Variants in COLEC10 observed in about 807,000 individuals in gnomAD.
COLEC10 encodes the protein collectin subfamily member 10, also known as collectin-10.
COLEC10 carries 22 observed loss-of-function variants against 28.4 expected under a neutral mutation model. That is an observed-to-expected ratio of 0.78 (90% CI 0.55 to 1.11). The LOEUF (loss-of-function observed/expected upper bound fraction) is 1.11, where lower values mean the gene tolerates loss of function less well. Ranked by LOEUF, COLEC10 falls within the 50% of genes least tolerant of loss-of-function variation. The pLI is 0.00. For missense variants in COLEC10, 361 were observed against 344.1 expected, an observed-to-expected ratio of 1.05 and a Z score of -0.39; for synonymous variants, 125 against 116.1, an observed-to-expected ratio of 1.08 and a Z score of -0.49.
At chr8:118,963,192 TA>T in the COLEC10 span, among the ~76,000 whole-genome samples, 1 of 152,160 alleles carries the variant, frequency 6.6e-6, no homozygotes, top group African/African-American at 2.4e-5. Flanking sequence ...ATAAAGGTAA[TA>T]ACAACTACCA....
chr8:119,067,582 C>A, intron 1 of COLEC10, 153 bp downstream of exon 1: 3 of 681,192 alleles, frequency 4.4e-6, no homozygotes, highest in Non-Finnish European at 7.2e-6. Flanking sequence ...TTTTCCAGAT[C>A]TGGTCTGTTA....
upstream of COLEC10, among the ~76,000 whole-genome samples, chr8:118,993,881 C>G (rs754598924): frequency 7.2e-5 from 11 of 152,084 alleles, no homozygotes; most frequent in Admixed American, 1.3e-4. Context: ...AGGAGAAGCA[C>G]TGGGGCCCTG....
intron 3 of COLEC10, 93 bp from the exon 4 acceptor site, chr8:119,102,255 C>A: frequency 6.6e-6 from 2 of 302,210 alleles, no homozygotes; most frequent in Non-Finnish European, 1.2e-5. Flanking sequence ...TCCTTCTTTT[C>A]CTTCCTTCAT....
chr8:118,984,913 A>T, the COLEC10 span, among the ~76,000 whole-genome samples: 1 of 152,168 alleles, frequency 6.6e-6, no homozygotes, highest in Non-Finnish European at 1.5e-5. Flanking sequence ...GAGCTTGTGC[A>T]GGGCAACTCC....
intron 2 of COLEC10, among the ~76,000 whole-genome samples, chr8:119,053,005 GA>G (rs1326227089): frequency 6.6e-6 from 1 of 152,102 alleles, no homozygotes; most frequent in Non-Finnish European, 1.5e-5. Flanking sequence ...AGTCCTGAGC[GA>G]AGACGGCAAA....
At chr8:118,997,195 C>T (rs1813603813) in intron 1 of COLEC10, among the ~76,000 whole-genome samples, 1 of 152,156 alleles carries the variant, frequency 6.6e-6, no homozygotes, top group Non-Finnish European at 1.5e-5. Context: ...TCCTTATATA[C>T]ATTTAATAAT....
At chr8:119,059,976 C>A (rs373149235) in intron 2 of COLEC10, among the ~76,000 whole-genome samples, 16 of 152,204 alleles carry the variant, frequency 1.1e-4, no homozygotes, top group African/African-American at 3.6e-4. Context: ...TTCACATAGT[C>A]ATGGCTGAAA....
At chr8:119,081,242 A>G (rs1815360902) in intron 1 of COLEC10, among the ~76,000 whole-genome samples, 1 of 152,180 alleles carries the variant, frequency 6.6e-6, no homozygotes, top group Admixed American at 6.5e-5. Flanking sequence ...CATTTACAGC[A>G]TCTTTGGATG....
rs148307490 is a variant in COLEC10, at chr8:119,095,648, G to A, written c.292+4428G>A. On this transcript the variant is annotated intron_variant, in intron 3 of 5. Coordinates refer to ENST00000332843, the MANE Select transcript of COLEC10 (RefSeq NM_006438.5). ...GCCTGGGAGGTAGAGGTTGCAGTGA[G>A]CTGAGATCCCAGCACTGCACTCCAA... Among the ~76,000 whole-genome samples the A allele has an allele frequency of 5.8e-4, 88 of 152,294 alleles. 1 individual carries two copies. The East Asian group carries it at 0.015, about 26-fold the overall frequency.
At chr8:118,977,749 TAATAAATA>T in the COLEC10 span, among the ~76,000 whole-genome samples, 237 of 148,550 alleles carry the variant, frequency 1.6e-3, 2 homozygotes, top group Non-Finnish European at 3.4e-4. Flanking sequence ...AGTATAATAA[TAATAAATA>T]AATAAATAAA....
chr8:119,026,572 T>A (rs1814194979), intron 2 of COLEC10, among the ~76,000 whole-genome samples: 1 of 152,110 alleles, frequency 6.6e-6, no homozygotes, highest in African/African-American at 2.4e-5. Flanking sequence ...ATACAATCAG[T>A]ACATCTGGAT....
intron 3 of COLEC10, among the ~76,000 whole-genome samples, chr8:119,098,730 C>G (rs545990797): frequency 2.6e-5 from 4 of 152,082 alleles, no homozygotes; most frequent in African/African-American, 9.6e-5. Flanking sequence ...CTATAAGTAC[C>G]ACTTTTCCTT....
intron 2 of COLEC10, among the ~76,000 whole-genome samples, chr8:119,048,419 A>T (rs955842862): frequency 3.9e-5 from 6 of 152,192 alleles, no homozygotes; most frequent in African/African-American, 1.4e-4. Context: ...ATGACTTGAT[A>T]ATCTAACATT....
chr8:119,030,290 T>C (rs1814264703), intron 2 of COLEC10, among the ~76,000 whole-genome samples: 1 of 152,248 alleles, frequency 6.6e-6, no homozygotes, highest in Non-Finnish European at 1.5e-5. Context: ...CAATATTTAA[T>C]AGTATATCAC....
At position 119,057,904 on chromosome 8, in the gene COLEC10, G is replaced by A. The variant is rs182966778; in HGVS notation, n.236-31776G>A. Among the ~76,000 whole-genome samples the A allele has an allele frequency of 5.7e-3, 865 of 151,862 alleles. 5 individuals are homozygous for A. The highest frequency in any genetic ancestry group is 0.02 in the African/African-American group (837 of 41,444). On this transcript the variant is annotated intron_variant and non_coding_transcript_variant, in intron 2 of 6. Transcript: ENST00000521788. ...TTCTTAATAAGTAAAAAAGGTGTAG[G>A]GTACTTGAGCTCTTTAATGCAATTA... is the stretch of plus-strand genomic sequence containing the variant.
At chr8:118,993,124 A>C (rs1212458817), upstream of COLEC10, among the ~76,000 whole-genome samples, 1 of 152,166 alleles carries the variant, frequency 6.6e-6, no homozygotes, top group Admixed American at 6.5e-5. Flanking sequence ...AATTGTTTAT[A>C]AGAGCTGGTT....
chr8:118,990,399 A>G, the COLEC10 span, among the ~76,000 whole-genome samples: 2 of 152,156 alleles, frequency 1.3e-5, no homozygotes, highest in Admixed American at 1.3e-4. Context: ...AGCTGATACA[A>G]TTTGGAAAGT....
intron 2 of COLEC10, among the ~76,000 whole-genome samples, chr8:119,035,737 G>T (rs7018457): frequency 0.043 from 6,607 of 152,180 alleles, 209 homozygotes; most frequent in East Asian, 0.16. Flanking sequence ...ATGGTTTTGG[G>T]CCTTCCAGTT....
chr8:118,962,060 G>C, the COLEC10 span, among the ~76,000 whole-genome samples: 1 of 152,126 alleles, frequency 6.6e-6, no homozygotes, highest in Non-Finnish European at 1.5e-5. Flanking sequence ...GGGCAGTGGT[G>C]GATGTAATTT....
Sources: allele counts gnomAD v4.1 joint callset (sites outside exome capture counted in the v4.1 genomes callset), GRCh38; gene constraint gnomAD v4.1.1; transcripts MANE v1.5; gene names NCBI Gene and HGNC (gene_info 2026-07-23, HGNC 2026-07-21).